The following TRIM9 variants were observed in gnomAD, a reference collection of about 807,000 sequenced individuals.
TRIM9 encodes E3 ubiquitin-protein ligase TRIM9.
Under a neutral mutation model 78.3 loss-of-function variants are expected in TRIM9, and 26 were observed. The ratio of observed to expected loss-of-function variants is 0.33; its 90% CI spans 0.24 to 0.46. TRIM9 has a LOEUF of 0.46. Among genes scored for constraint, TRIM9 ranks in the 20% least tolerant of loss-of-function variants. The pLI is 1.00. For synonymous variants in TRIM9, 398 were observed against 416.5 expected, an observed-to-expected ratio of 0.96 and a Z score of 0.54; for missense variants, 787 against 1,036.4, an observed-to-expected ratio of 0.76 and a Z score of 3.30.
In TRIM9 at chr14:50,979,499, A is replaced by C. The variant is rs1195452139; in HGVS notation, c.2213T>G (p.Leu738Ter). ...KGATIGVLLD[L>*]NRKNLTFFIN... ...AAAAAATGTCAAGTTTTTTCTATTT[A>C]AGTCGAGGAGGACCCCAATTGTGGC... is the stretch of plus-strand genomic sequence containing the variant. Residue 738 changes from leucine (L) to a stop codon, truncating the protein, a stop_gained, in exon 12 of 13, where the codon TTA (leucine) becomes TGA (stop). Transcript: ENST00000684578. LOFTEE classifies it high-confidence loss of function. The C allele has an allele frequency of 6.2e-7, 1 of 1,614,016 alleles. No homozygotes were observed. The highest frequency in any genetic ancestry group is 8.5e-7 in the Non-Finnish European group (1 of 1,180,018).
intron 7 of TRIM9, chr14:50,997,748 C>T: frequency 7.6e-7 from 1 of 1,317,448 alleles, no homozygotes; most frequent in Non-Finnish European, 9.7e-7. Context: ...GTCTTACACA[C>T]CAGGGGCACA....
At chr14:50,994,462 C>G (rs1012777468) in intron 7 of TRIM9, among the ~76,000 whole-genome samples, 3 of 152,142 alleles carry the variant, frequency 2.0e-5, no homozygotes, top group African/African-American at 7.2e-5. Context: ...ACATGTCTGG[C>G]TTTGTAGCCA....
intron 1 of TRIM9, among the ~76,000 whole-genome samples, chr14:51,037,600 G>A (rs2059258943): frequency 6.6e-6 from 1 of 151,622 alleles, no homozygotes; most frequent in African/African-American, 2.4e-5. Flanking sequence ...AATAATTTCA[G>A]GGTGTCTTTA....
At chr14:51,066,873 G>A (rs2061788768) in intron 1 of TRIM9, among the ~76,000 whole-genome samples, 1 of 152,180 alleles carries the variant, frequency 6.6e-6, no homozygotes, top group Admixed American at 6.6e-5. Context: ...CTGAGACTTA[G>A]CTATTTATTA....
chr14:51,031,017 G>A (rs917570349), intron 1 of TRIM9, among the ~76,000 whole-genome samples: 1 of 151,652 alleles, frequency 6.6e-6, no homozygotes, highest in African/African-American at 2.4e-5. Context: ...GCATGGTGGC[G>A]GGCGCCTGTA....
chr14:51,029,157 T>G (rs1045646324), intron 1 of TRIM9, among the ~76,000 whole-genome samples: 1 of 152,192 alleles, frequency 6.6e-6, no homozygotes, highest in Admixed American at 6.5e-5. Flanking sequence ...TTCCCCTCAA[T>G]TCACCACAAA....
intron 1 of TRIM9, among the ~76,000 whole-genome samples, chr14:51,027,345 T>C (rs1432153435): frequency 2.0e-5 from 3 of 152,088 alleles, no homozygotes; most frequent in African/African-American, 7.2e-5. Context: ...GGTTTCTCCA[T>C]GTTGGCCAGG....
intron 6 of TRIM9, among the ~76,000 whole-genome samples, chr14:50,999,601 G>A (rs756609736): frequency 6.6e-6 from 1 of 152,156 alleles, no homozygotes; most frequent in African/African-American, 2.4e-5. Flanking sequence ...CAGGAAAAGG[G>A]GGCCTTGAGA....
intron 3 of TRIM9, among the ~76,000 whole-genome samples, chr14:51,014,504 C>T (rs915059571): frequency 2.0e-5 from 3 of 152,230 alleles, no homozygotes; most frequent in Non-Finnish European, 2.9e-5. Flanking sequence ...AAAATCACTG[C>T]GAAAAATTAA....
At chr14:51,057,734 A>G (rs7158976) in intron 1 of TRIM9, among the ~76,000 whole-genome samples, 41,615 of 152,114 alleles carry the variant, frequency 0.27, 6,174 homozygotes, top group African/African-American at 0.38. Flanking sequence ...TTTTAATCTG[A>G]ATGTATTCAT....
At chr14:51,060,235 T>G (rs2061233259) in intron 1 of TRIM9, among the ~76,000 whole-genome samples, 1 of 152,204 alleles carries the variant, frequency 6.6e-6, no homozygotes. Context: ...TTGTAATTGG[T>G]CAATTCTTAC....
chr14:51,020,640 G>A (rs1238610893), intron 3 of TRIM9, among the ~76,000 whole-genome samples: 1 of 152,260 alleles, frequency 6.6e-6, no homozygotes, highest in African/African-American at 2.4e-5. Context: ...TCCCAGCGAT[G>A]CGTGAAAGCC....
chr14:51,051,598 A>T (rs1407312012), intron 1 of TRIM9, among the ~76,000 whole-genome samples: 1 of 152,224 alleles, frequency 6.6e-6, no homozygotes, highest in Non-Finnish European at 1.5e-5. Flanking sequence ...GCAGAGGAGT[A>T]TAATGCAATT....
At chr14:51,083,652 G>A (rs2063508244) in intron 1 of TRIM9, among the ~76,000 whole-genome samples, 1 of 152,060 alleles carries the variant, frequency 6.6e-6, no homozygotes, top group African/African-American at 2.4e-5. Flanking sequence ...GGAAATCTTG[G>A]AGTTACAAAA....
At chr14:51,045,415 A>G (rs1596256373) in intron 1 of TRIM9, among the ~76,000 whole-genome samples, 1 of 152,230 alleles carries the variant, frequency 6.6e-6, no homozygotes, top group East Asian at 1.9e-4. Flanking sequence ...TTTTAGAGCT[A>G]CCAGGATGGG....
intron 1 of TRIM9, among the ~76,000 whole-genome samples, chr14:51,084,027 T>C (rs1175680457): frequency 6.6e-6 from 1 of 152,196 alleles, no homozygotes; most frequent in African/African-American, 2.4e-5. Context: ...TTCTAAATAT[T>C]AGAAGCCTTC....
chr14:51,068,882 G>A (rs1454260326), intron 1 of TRIM9, among the ~76,000 whole-genome samples: 1 of 152,214 alleles, frequency 6.6e-6, no homozygotes, highest in Non-Finnish European at 1.5e-5. Context: ...TTTGTTAAGT[G>A]AAGCATTAAT....
intron 3 of TRIM9, 113 bp downstream of exon 3, chr14:51,022,722 C>A (rs1413528466): frequency 2.7e-6 from 4 of 1,507,484 alleles, no homozygotes; most frequent in Non-Finnish European, 3.6e-6. Context: ...CTACCCAAGG[C>A]TGTGGGCATC....
chr14:51,024,926 C>T (rs1467242693), intron 2 of TRIM9, among the ~76,000 whole-genome samples: 1 of 152,024 alleles, frequency 6.6e-6, no homozygotes, highest in Admixed American at 6.5e-5. Flanking sequence ...TTTTGGAAAC[C>T]TACAAGGTTT....
Sources: allele counts gnomAD v4.1 joint callset (sites outside exome capture counted in the v4.1 genomes callset), GRCh38; gene constraint gnomAD v4.1.1; transcripts MANE v1.5; gene names NCBI Gene and HGNC (gene_info 2026-07-23, HGNC 2026-07-21).